Variants in CEP41 observed in about 807,000 individuals in gnomAD.
The protein encoded by CEP41 is centrosomal protein 41, also known as centrosomal protein of 41 kDa.
In CEP41, 32 loss-of-function variants were observed where a neutral mutation model predicts 44.3. The observed-to-expected ratio is 0.72, with a 90% CI of 0.54 to 0.97. The LOEUF (loss-of-function observed/expected upper bound fraction) is 0.97. Among genes scored for constraint, CEP41 ranks in the 50% least tolerant of loss-of-function variants. The probability of loss-of-function intolerance (pLI) is 0.00; values close to 1 mark genes in which losing one functional copy is unlikely to be tolerated. For synonymous variants in CEP41, 151 were observed against 168.5 expected, an observed-to-expected ratio of 0.90 and a Z score of 0.80; for missense variants, 432 against 455.2, an observed-to-expected ratio of 0.95 and a Z score of 0.46.
In CEP41 at chr7:130,398,313, A is replaced by G. The variant is rs782132140; in HGVS notation, c.*578T>C. On this transcript the variant is annotated 3_prime_UTR_variant, in exon 11 of 11. Transcript: ENST00000223208. Reference sequence around the variant, plus strand: ...AGTGAGTACACAGGCACTGGCTTCCATACTCAAAACAGGGCCTGCAATATG... The same window carrying G: ...AGTGAGTACACAGGCACTGGCTTCCGTACTCAAAACAGGGCCTGCAATATG... 22 of 453,990 alleles carry G rather than the reference A, an allele frequency of 4.8e-5. No individual in the cohort carries two copies. Among genetic ancestry groups the G allele is most frequent in the Middle Eastern group, 6.8e-4 (1 of 1,466 alleles). 28.1% of individuals were successfully genotyped at this position (453,990 alleles called of 1,614,324 possible).
In CEP41 at chr7:130,440,926, G is replaced by A; in HGVS notation, c.33+8C>T. On this transcript the variant is annotated splice_region_variant and intron_variant, in intron 1 of 10. Transcript: ENST00000223208. ...CCTCCGGCTCTCCGGCCGAGACCTG[G>A]CCCTCACCTCAGGGTTCCCAATGTG... The A allele has an allele frequency of 6.2e-7, 1 of 1,611,732 alleles. No individual in the cohort carries two copies. Among genetic ancestry groups the A allele is most frequent in the Non-Finnish European group, 8.5e-7 (1 of 1,179,976 alleles).
chr7:130,431,941 T>C (rs983855392), intron 1 of CEP41, among the ~76,000 whole-genome samples: 6 of 152,166 alleles, frequency 3.9e-5, no homozygotes, highest in Non-Finnish European at 8.8e-5. Flanking sequence ...AGAGGCATTT[T>C]TGGTTGTCCC....
chr7:130,425,928 G>A (rs1048758909), intron 2 of CEP41, among the ~76,000 whole-genome samples: 1 of 152,246 alleles, frequency 6.6e-6, no homozygotes, highest in Non-Finnish European at 1.5e-5. Flanking sequence ...CATTTATACA[G>A]CATTTGTGAA....
At chr7:130,437,815 A>G (rs542451479) in intron 1 of CEP41, among the ~76,000 whole-genome samples, 49 of 150,268 alleles carry the variant, frequency 3.3e-4, no homozygotes, top group African/African-American at 1.1e-3. Context: ...GATGTTGATG[A>G]TTTTCAACCA....
In CEP41 at chr7:130,397,471, C is replaced by T. The variant is rs782294352; in HGVS notation, c.*1420G>A. On this transcript the variant is annotated 3_prime_UTR_variant, in exon 11 of 11. Transcript: ENST00000223208. Reference sequence around the variant, plus strand: ...ATATTTATTACGTTTATTTCTCATACAAACACAGCCCCCATGCTAGAAATA... The same window carrying T: ...ATATTTATTACGTTTATTTCTCATATAAACACAGCCCCCATGCTAGAAATA... 2.6e-4 allele frequency: 110 copies of T among 421,422 alleles called. 3 individuals are homozygous for T. In the Middle Eastern group the frequency reaches 3.1e-3, roughly 12 times the overall value. 26.1% of individuals were successfully genotyped at this position (421,422 alleles called of 1,614,324 possible).
chr7:130,419,949 G>A (rs1797451894), intron 2 of CEP41: 10 of 981,186 alleles, frequency 1.0e-5, no homozygotes, highest in Admixed American at 6.3e-5. Context: ...TTATGGGCAC[G>A]TACACACACA....
At chr7:130,405,931 C>T (rs970937990) in intron 5 of CEP41, among the ~76,000 whole-genome samples, 4 of 152,056 alleles carry the variant, frequency 2.6e-5, no homozygotes, top group Admixed American at 2.0e-4. Context: ...CGACAGACAC[C>T]GCAGAAGCAG....
At chr7:130,418,603 A>C (rs1184944134) in intron 2 of CEP41, among the ~76,000 whole-genome samples, 1 of 152,190 alleles carries the variant, frequency 6.6e-6, no homozygotes, top group Non-Finnish European at 1.5e-5. Context: ...GCTTTAGGCA[A>C]TCTAGTCAGA....
intron 2 of CEP41, among the ~76,000 whole-genome samples, chr7:130,425,505 A>G (rs782153637): frequency 3.9e-5 from 6 of 152,244 alleles, no homozygotes; most frequent in Non-Finnish European, 5.9e-5. Context: ...ACAACACCAA[A>G]TGCTGACAAG....
rs1436231533 is a variant in CEP41 at position 130,398,399 on chromosome 7, C to G, written c.*492G>C. 2 of 453,880 alleles carry G rather than the reference C, an allele frequency of 4.4e-6. No individual in the cohort carries two copies. Among genetic ancestry groups the G allele is most frequent in the Admixed American group, 2.4e-5 (1 of 42,544 alleles). The allele number at this position is 453,880 out of a possible 1,614,324, so 28.1% of individuals were successfully genotyped here. ...GGGTGGGGTCTGCAGGCGGCTGGAA[C>G]CTAAGGCTCATCTGCACCCTTGGAA... On this transcript the variant is annotated 3_prime_UTR_variant, in exon 11 of 11. Coordinates refer to ENST00000223208, the MANE Select transcript of CEP41 (RefSeq NM_018718.3).
At chr7:130,401,724 A>T in intron 8 of CEP41, among the ~76,000 whole-genome samples, 157 bp downstream of exon 8, 1 of 152,170 alleles carries the variant, frequency 6.6e-6, no homozygotes, top group African/African-American at 2.4e-5. Context: ...AAGAGTCAGG[A>T]TTCTTGGCAA....
Position 130,397,542 on chromosome 7 carries a change from G to GAA in CEP41, c.*1347_*1348dup, listed in dbSNP as rs1471201241. 2.5e-5 allele frequency: 9 copies of GAA among 359,702 alleles called. No homozygotes were observed. Among genetic ancestry groups the GAA allele is most frequent in the African/African-American group, 2.5e-4 (9 of 36,340 alleles). 22.3% of individuals were successfully genotyped at this position (359,702 alleles called of 1,614,324 possible). A position where few individuals can be genotyped will look rare whatever the true frequency, so the allele number is the denominator to read the frequency against. On this transcript the variant is annotated 3_prime_UTR_variant, in exon 11 of 11. Transcript: ENST00000223208. ...TTTTTTTTTTTTTTTTTGGTGGCGA[G>GAA]AAAATAGTACTGTTAAGGCAAATCT... is the stretch of plus-strand genomic sequence containing the variant.
intron 5 of CEP41, 182 bp downstream of exon 5, chr7:130,410,940 C>CTT (rs1797164455): frequency 1.5e-6 from 1 of 661,660 alleles, no homozygotes. Context: ...AACCAGATGG[C>CTT]TTTTTAAAAT....
chr7:130,407,087 A>C (rs1554418355), intron 5 of CEP41, among the ~76,000 whole-genome samples: 1 of 152,096 alleles, frequency 6.6e-6, no homozygotes, highest in African/African-American at 2.4e-5. Flanking sequence ...TTTTACTTAG[A>C]GGCCTTAAAG....
intron 1 of CEP41, among the ~76,000 whole-genome samples, chr7:130,439,116 T>C (rs1798062946): frequency 6.6e-6 from 1 of 152,182 alleles, no homozygotes; most frequent in Admixed American, 6.5e-5. Flanking sequence ...ACCCCTCCTT[T>C]TCCTTGCCCC....
chr7:130,400,437 T>C (rs1188012440), intron 9 of CEP41, 183 bp from the exon 10 acceptor site: 13 of 658,088 alleles, frequency 2.0e-5, no homozygotes, highest in African/African-American at 7.2e-5. Flanking sequence ...TGTTGTTACA[T>C]GGGATTCTGA....
intron 2 of CEP41, among the ~76,000 whole-genome samples, chr7:130,425,501 C>A (rs138708635): frequency 7.8e-4 from 119 of 152,262 alleles, no homozygotes; most frequent in African/African-American, 2.7e-3. Flanking sequence ...GGTGACAACA[C>A]CAAATGCTGA....
chr7:130,420,790 T>A (rs745340729), intron 2 of CEP41: 23 of 601,020 alleles, frequency 3.8e-5, no homozygotes, highest in Non-Finnish European at 4.2e-5. Context: ...AATAAATAAA[T>A]AAATAGGAAA....
rs1353297501 is a variant in CEP41, at chr7:130,399,115, T to C, written c.974-76A>G. ...CAATCTGCCAAGTACAGTTTTAAGC[T>C]AATGAAGTCCTAGCCTACAACCACT... On this transcript the variant is annotated intron_variant, in intron 10 of 10. Coordinates refer to ENST00000223208, the MANE Select transcript of CEP41 (RefSeq NM_018718.3). 1.9e-6 allele frequency: 3 copies of C among 1,573,150 alleles called. 1 individual carries two copies. The South Asian group carries it at 3.3e-5, about 17-fold the overall frequency.
Sources: gnomAD v4.1 joint callset for allele counts (sites outside exome capture counted in the v4.1 genomes callset) on GRCh38, gnomAD v4.1.1 for gene constraint, MANE v1.5 for transcripts, NCBI Gene and HGNC (gene_info 2026-07-23, HGNC 2026-07-21) for gene names.